The following PVALB variants were observed in gnomAD, a reference collection of about 807,000 sequenced individuals.
PVALB encodes the protein parvalbumin alpha.
PVALB carries 11 observed loss-of-function variants against 10.9 expected under a neutral mutation model. That is an observed-to-expected ratio of 1.01 (90% confidence interval 0.63 to 1.67). The LOEUF is 1.67. Among genes scored for constraint, PVALB ranks in the 40% most tolerant of loss-of-function variants. The pLI, the probability that PVALB is intolerant of heterozygous loss-of-function variation, is 0.00. For missense variants in PVALB, 131 were observed against 136.2 expected, an observed-to-expected ratio of 0.96 and a Z score of 0.19; for synonymous variants, 57 against 50.7, an observed-to-expected ratio of 1.12 and a Z score of -0.53.
chr22:36,817,092 A>G, upstream of PVALB: 2 of 1,291,936 alleles, frequency 1.5e-6, no homozygotes, highest in Non-Finnish European at 2.1e-6. Flanking sequence ...CCAGCGCTGC[A>G]GTGCTGCGCG....
chr22:36,805,626 A>T (rs1938937419), intron 3 of PVALB, among the ~76,000 whole-genome samples: 1 of 152,238 alleles, frequency 6.6e-6, no homozygotes, highest in Non-Finnish European at 1.5e-5. Flanking sequence ...CTAGGTGGCC[A>T]TCAGTCACTA....
chr22:36,818,101 T>C (rs1288760096), upstream of PVALB, among the ~76,000 whole-genome samples: 2 of 151,988 alleles, frequency 1.3e-5, no homozygotes, highest in African/African-American at 4.8e-5. Flanking sequence ...GTGTGAGCGC[T>C]GGACAGGGAG....
At chr22:36,803,257 C>A (rs1437088133) in intron 3 of PVALB, among the ~76,000 whole-genome samples, 1 of 152,178 alleles carries the variant, frequency 6.6e-6, no homozygotes, top group African/African-American at 2.4e-5. Context: ...CCTACTTTGA[C>A]CTTGGTATAG....
chr22:36,814,060 A>G (rs1004529778), intron 2 of PVALB, among the ~76,000 whole-genome samples: 1 of 152,204 alleles, frequency 6.6e-6, no homozygotes, highest in Non-Finnish European at 1.5e-5. Flanking sequence ...TGTCTGGCGT[A>G]TGCTGGAAAG....
intron 3 of PVALB, chr22:36,813,429 C>A: frequency 9.3e-6 from 5 of 539,752 alleles, no homozygotes; most frequent in South Asian, 2.9e-5. Flanking sequence ...GAATCTATTC[C>A]TTTTAGGTTT....
intron 2 of PVALB, 80 bp downstream of exon 2, chr22:36,815,023 A>T (rs1448108309): frequency 6.4e-7 from 1 of 1,557,124 alleles, no homozygotes; most frequent in East Asian, 2.3e-5. Flanking sequence ...GGTCTGATGG[A>T]CACTTGGAAG....
chr22:36,803,035 T>C (rs1212013024), intron 3 of PVALB, among the ~76,000 whole-genome samples: 4 of 152,238 alleles, frequency 2.6e-5, no homozygotes, highest in Non-Finnish European at 5.9e-5. Context: ...TTATTAATTA[T>C]AGCTAGTAAC....
Position 36,803,746 on chromosome 22 carries a change from C to T in PVALB, c.305-2828G>A, listed in dbSNP as rs567172485. 6.6e-5 allele frequency among the ~76,000 whole-genome samples: 10 copies of T among 152,032 alleles called. No individual in the cohort carries two copies. In the South Asian group the frequency reaches 1.7e-3, roughly 25 times the overall value. ...TTGGGTGGGTGGATGGGATAGCTCACGAGTCCTTCTTAGGGATCAACAAGT... is the reference window on the plus strand; with the variant it reads ...TTGGGTGGGTGGATGGGATAGCTCATGAGTCCTTCTTAGGGATCAACAAGT... On this transcript the variant is annotated intron_variant, in intron 3 of 3. Coordinates refer to ENST00000417718, the MANE Select transcript of PVALB (RefSeq NM_001315532.2).
chr22:36,802,618 A>AG (rs1430370208), intron 3 of PVALB, among the ~76,000 whole-genome samples: 21 of 150,976 alleles, frequency 1.4e-4, no homozygotes, highest in African/African-American at 5.1e-4. Flanking sequence ...AAAAAAAAAA[A>AG]AAAAAAAAGA....
At chr22:36,801,538 G>A (rs1164288797) in intron 3 of PVALB, among the ~76,000 whole-genome samples, 1 of 152,198 alleles carries the variant, frequency 6.6e-6, no homozygotes, top group Non-Finnish European at 1.5e-5. Context: ...AGTGGCTCAC[G>A]CGTGTAATCC....
intron 3 of PVALB, among the ~76,000 whole-genome samples, chr22:36,803,424 C>T (rs1311954603): frequency 2.6e-5 from 4 of 152,148 alleles, no homozygotes; most frequent in Non-Finnish European, 5.9e-5. Flanking sequence ...GGCAGGGGAG[C>T]CTCTCTCTTG....
intron 3 of PVALB, among the ~76,000 whole-genome samples, chr22:36,811,034 G>A (rs113467514): frequency 0.064 from 9,708 of 152,304 alleles, 411 homozygotes; most frequent in Middle Eastern, 0.1. Context: ...CCAGCACTTT[G>A]GGAGGCTGAG....
chr22:36,815,231 G>A lies in PVALB; in HGVS notation c.66C>T (p.Thr22=), dbSNP rs373272423. ...AGAACTTTTTGTGGTCGAAGGAGTC[G>A]GTAGCTGTGGGGGGAAGAGCAGGGT... ...IKKAVGAFSA[T]DSFDHKKFFQ... is the part of the protein sequence containing the mutation. Residue 22 remains threonine, a synonymous_variant, in exon 2 of 4, where the codon ACC becomes ACT. Coordinates refer to ENST00000417718, the MANE Select transcript of PVALB (RefSeq NM_001315532.2). The A allele has an allele frequency of 5.6e-5, 90 of 1,614,014 alleles. No homozygotes were observed. Among genetic ancestry groups the A allele is most frequent in the Non-Finnish European group, 6.9e-5 (81 of 1,180,010 alleles).
intron 3 of PVALB, among the ~76,000 whole-genome samples, chr22:36,811,151 C>T (rs1939040109): frequency 6.6e-6 from 1 of 152,148 alleles, no homozygotes; most frequent in Non-Finnish European, 1.5e-5. Flanking sequence ...TGGTGCGTGC[C>T]TGTAATCCCA....
chr22:36,818,402 C>T (rs1014894637), upstream of PVALB: 5 of 152,318 alleles, frequency 3.3e-5, no homozygotes, highest in Non-Finnish European at 4.4e-5. Context: ...GATGGCTGCC[C>T]TTCCTGGAAA....
upstream of PVALB, chr22:36,817,117 G>T: frequency 2.0e-6 from 2 of 1,006,866 alleles, no homozygotes; most frequent in South Asian, 1.7e-5. Context: ...GCGCACGCCC[G>T]CCGGGCCTGG....
In PVALB at chr22:36,814,996, A is replaced by G. The variant is rs1341123718; in HGVS notation, c.194+107T>C. Reference sequence around the variant, plus strand: ...CACGCACGGTTACTTTCTGTGAAGCAGGCAGAGTGAAAGGCAGGTCTGATG... The same window carrying G: ...CACGCACGGTTACTTTCTGTGAAGCGGGCAGAGTGAAAGGCAGGTCTGATG... On this transcript the variant is annotated intron_variant, in intron 2 of 3. Transcript: ENST00000417718. The G allele has an allele frequency of 4.2e-6, 6 of 1,417,148 alleles. 1 individual carries two copies. Among genetic ancestry groups the G allele is most frequent in the South Asian group, 2.6e-5 (2 of 76,324 alleles). 87.8% of individuals were successfully genotyped at this position (1,417,148 alleles called of 1,614,324 possible).
chr22:36,811,590 G>A, intron 3 of PVALB: 1 of 459,604 alleles, frequency 2.2e-6, no homozygotes, highest in Non-Finnish European at 4.5e-6. Flanking sequence ...AGGGAGGCAG[G>A]GAACTGGGCC....
chr22:36,811,828 GC>G (rs1467587507), intron 3 of PVALB, among the ~76,000 whole-genome samples: 1 of 152,082 alleles, frequency 6.6e-6, no homozygotes, highest in African/African-American at 2.4e-5. Flanking sequence ...AGCACCAGAA[GC>G]CCCAGGAGCG....
Sources: gnomAD v4.1 joint callset for allele counts (sites outside exome capture counted in the v4.1 genomes callset) on GRCh38, gnomAD v4.1.1 for gene constraint, MANE v1.5 for transcripts, NCBI Gene and HGNC (gene_info 2026-07-23, HGNC 2026-07-21) for gene names.